Variants in URB1 observed in about 807,000 individuals in gnomAD.
URB1 encodes the protein URB1 ribosome biogenesis factor.
URB1 carries 197 observed loss-of-function variants against 242.3 expected under a neutral mutation model. The ratio of observed to expected loss-of-function variants is 0.81; its 90% CI spans 0.72 to 0.91. The LOEUF (loss-of-function observed/expected upper bound fraction) is 0.91, where lower values mean the gene tolerates loss of function less well. URB1 is among the 40% of genes least tolerant of loss of function. URB1 has a pLI of 0.00. For synonymous variants in URB1, 1,153 were observed against 1,201.8 expected (o/e 0.96, Z 0.84); for missense variants, 2,721 against 2,860.5 (o/e 0.95, Z 1.11).
intron 1 of URB1, among the ~76,000 whole-genome samples, chr21:32,388,572 G>T (rs879754955): frequency 6.6e-6 from 1 of 152,218 alleles, no homozygotes; most frequent in South Asian, 2.1e-4. Flanking sequence ...CGTCTGCAGC[G>T]TGGTCTGGTG....
At chr21:32,388,248 C>G (rs181527048) in intron 1 of URB1, among the ~76,000 whole-genome samples, 1 of 152,104 alleles carries the variant, frequency 6.6e-6, no homozygotes, top group Non-Finnish European at 1.5e-5. Flanking sequence ...ACCTGTATAA[C>G]GGAACAAGAA....
At chr21:32,319,552 C>T (rs986771874) in intron 35 of URB1, 138 bp from the exon 36 acceptor site, 2 of 899,694 alleles carry the variant, frequency 2.2e-6, no homozygotes, top group Non-Finnish European at 3.1e-6. Context: ...GCTTGCTATA[C>T]AAACGCAGCT....
intron 1 of URB1, among the ~76,000 whole-genome samples, chr21:32,387,740 C>T (rs553420665): frequency 3.3e-5 from 5 of 152,122 alleles, no homozygotes; most frequent in Admixed American, 6.5e-5. Flanking sequence ...ATCAGAATAG[C>T]GTGGTCTGCT....
At chr21:32,326,779 C>A (rs2032834947) in intron 30 of URB1, among the ~76,000 whole-genome samples, 1 of 152,198 alleles carries the variant, frequency 6.6e-6, no homozygotes, top group African/African-American at 2.4e-5. Flanking sequence ...ATGCTTCCTA[C>A]ACAGACTATG....
chr21:32,324,459 A>T (rs2032804116), intron 32 of URB1, 32 bp downstream of exon 32: 5 of 1,521,936 alleles, frequency 3.3e-6, no homozygotes, highest in Non-Finnish European at 4.5e-6. Flanking sequence ...CAGCTTTTCA[A>T]TTTCCCCTCA....
chr21:32,381,934 T>G lies in URB1; in HGVS notation c.567+1488A>C, dbSNP rs1390244612. ...ATTAAATGTAATGTCTCAACTCCAT[T>G]TCCTATAACATATAAGATATCTAAG... On this transcript the variant is annotated intron_variant, in intron 4 of 38. Transcript: ENST00000382751. Among the ~76,000 whole-genome samples, 3 of 152,168 alleles carry G rather than the reference T, an allele frequency of 2.0e-5. No individual in the cohort carries two copies. In the East Asian group the frequency reaches 5.8e-4, roughly 29 times the overall value.
intron 2 of URB1, 148 bp from the exon 3 acceptor site, chr21:32,384,612 C>T (rs1360161228): frequency 2.9e-5 from 31 of 1,055,536 alleles, no homozygotes; most frequent in South Asian, 1.7e-4. Context: ...GAGTCAAACG[C>T]GACAGCTTGG....
At chr21:32,382,301 A>G (rs1035595482) in intron 4 of URB1, among the ~76,000 whole-genome samples, 1 of 152,230 alleles carries the variant, frequency 6.6e-6, no homozygotes, top group Non-Finnish European at 1.5e-5. Flanking sequence ...TTTTTATTAG[A>G]AACGTATTTA....
At chr21:32,366,364 A>C (rs2033346637) in intron 10 of URB1, among the ~76,000 whole-genome samples, 1 of 152,160 alleles carries the variant, frequency 6.6e-6, no homozygotes, top group East Asian at 1.9e-4. Flanking sequence ...CTGCTGTGTG[A>C]TGGAGCAGGG....
At chr21:32,343,124 A>G (rs1324451692) in intron 24 of URB1, among the ~76,000 whole-genome samples, 2 of 152,194 alleles carry the variant, frequency 1.3e-5, no homozygotes, top group Non-Finnish European at 2.9e-5. Flanking sequence ...CAGATATATA[A>G]CAAGGTTTCT....
At chr21:32,323,382 C>T (rs150623457) in intron 32 of URB1, among the ~76,000 whole-genome samples, 2 of 152,322 alleles carry the variant, frequency 1.3e-5, no homozygotes, top group East Asian at 3.9e-4. Context: ...AAACAGCACC[C>T]TGTGGTCCCT....
intron 10 of URB1, among the ~76,000 whole-genome samples, chr21:32,365,089 G>A (rs981231251): frequency 6.6e-6 from 1 of 152,234 alleles, no homozygotes; most frequent in Non-Finnish European, 1.5e-5. Context: ...GGAGGAGACA[G>A]GCTTTTCTCT....
At chr21:32,333,515 G>T in intron 29 of URB1, 96 bp from the exon 30 acceptor site, 1 of 1,020,534 alleles carries the variant, frequency 9.8e-7, no homozygotes, top group East Asian at 2.7e-5. Flanking sequence ...GATCAGAAAT[G>T]TTTCAGATTT....
chr21:32,346,591 C>T (rs11910710), intron 22 of URB1, among the ~76,000 whole-genome samples: 3,898 of 152,264 alleles, frequency 0.026, 162 homozygotes, highest in African/African-American at 0.089. Flanking sequence ...TCAACATCTC[C>T]CCAGAGGGCA....
At chr21:32,337,060 T>G in intron 28 of URB1, 34 bp downstream of exon 28, 3 of 1,547,764 alleles carry the variant, frequency 1.9e-6, no homozygotes, top group Non-Finnish European at 2.6e-6. Context: ...GGCTGTGACC[T>G]CAAGGCCTAG....
At position 32,384,441 on chromosome 21, in the gene URB1, G is replaced by A. The variant is rs778548155; in HGVS notation, c.306C>T (p.Phe102=). Residue 102 remains phenylalanine, a synonymous_variant, in exon 3 of 39, where the codon TTC becomes TTT. Transcript: ENST00000382751. ...TTGCTGTCCGCAATAATATGGCCTC[G>A]AAAACTTGAAATATTAACATCGTCT... is the stretch of plus-strand genomic sequence containing the variant. The part of the protein sequence containing the change: ...ESETMLIFQV[F]EAILLRTASD... 1.8e-5 allele frequency: 28 copies of A among 1,551,170 alleles called. No individual in the cohort carries two copies. Among genetic ancestry groups the A allele is most frequent in the Middle Eastern group, 1.7e-4 (1 of 6,016 alleles).
At chr21:32,334,478 A>C in intron 28 of URB1, 144 bp from the exon 29 acceptor site, 1 of 979,834 alleles carries the variant, frequency 1.0e-6, no homozygotes, top group Non-Finnish European at 1.5e-6. Context: ...ATATCACTCA[A>C]TCCCATCACA....
Position 32,311,415 on chromosome 21 carries a change from A to AC in URB1, c.*3502dup, listed in dbSNP as rs545361408. 56 of 118,080 alleles carry AC rather than the reference A, an allele frequency of 4.7e-4. No individual in the cohort carries two copies. Among genetic ancestry groups the AC allele is most frequent in the Middle Eastern group, 3.2e-3 (1 of 308 alleles). The allele number at this position is 118,080 out of a possible 1,614,324, so 7.3% of individuals were successfully genotyped here. A position where few individuals can be genotyped will look rare whatever the true frequency, so the allele number is the denominator to read the frequency against. On this transcript the variant is annotated 3_prime_UTR_variant, in exon 39 of 39. Transcript: ENST00000382751. ...GTCAACCTGCTCCCCTCCACCCCCC[A>AC]CCCCCCCCATCCTAAATCAATGTAG...
chr21:32,391,523 T>C (rs1489358604), intron 1 of URB1, among the ~76,000 whole-genome samples: 1 of 152,172 alleles, frequency 6.6e-6, no homozygotes, highest in Non-Finnish European at 1.5e-5. Context: ...TACTGACCAA[T>C]ATCTGCCTGC....
Sources: allele counts gnomAD v4.1 joint callset (sites outside exome capture counted in the v4.1 genomes callset), GRCh38; gene constraint gnomAD v4.1.1; transcripts MANE v1.5; gene names NCBI Gene and HGNC (gene_info 2026-07-23, HGNC 2026-07-21).